ECE1: variants seen among roughly 807,000 people sequenced by gnomAD.
ECE1 encodes endothelin converting enzyme 1.
In ECE1, 35 loss-of-function variants were observed where a neutral mutation model predicts 98.6. The observed-to-expected ratio is 0.35, with a 90% CI of 0.27 to 0.47. The LOEUF (loss-of-function observed/expected upper bound fraction) is 0.47. ECE1 is among the 20% of genes least tolerant of loss of function. The pLI, the probability that ECE1 is intolerant of heterozygous loss-of-function variation, is 1.00. For synonymous variants in ECE1, 394 were observed against 407.1 expected (o/e 0.97, Z 0.39); for missense variants, 814 against 1,025.3 (o/e 0.79, Z 2.81).
At position 21,260,128 on chromosome 1, in the gene ECE1, C is replaced by T. The variant is rs2103293431; in HGVS notation, c.615+143G>A. 1 of 1,307,170 alleles carries T rather than the reference C, an allele frequency of 7.7e-7. No individual in the cohort carries two copies. Among genetic ancestry groups the T allele is most frequent in the Non-Finnish European group, 1.1e-6 (1 of 914,888 alleles). 81.0% of individuals were successfully genotyped at this position (1,307,170 alleles called of 1,614,324 possible). A position where few individuals can be genotyped will look rare whatever the true frequency, so the allele number is the denominator to read the frequency against. On this transcript the variant is annotated intron_variant, in intron 5 of 18. Coordinates refer to ENST00000374893, the MANE Select transcript of ECE1 (RefSeq NM_001397.3). This position sits in a 1 kb window ranked among gnomAD's most constrained non-coding sequence, Gnocchi z 4.3. ...ACTCACATGTGCTCTCGCACACTCG[C>T]TCTCTCTCTTTCTGTCTTTCTCTTG...
Position 21,272,721 on chromosome 1 carries a change from T to C in ECE1, c.471A>G (p.Gln157=), listed in dbSNP as rs1293433604. The change falls in exon 4 of 19, where the codon CAA becomes CAG. Residue 157 remains glutamine, a synonymous_variant. Coordinates refer to ENST00000374893, the MANE Select transcript of ECE1 (RefSeq NM_001397.3). ...TACCGAGGAGGTGCTTGATGATTGCTTGGTTGTGTTCCCAGAGGTTGCTGA... is the reference window on the plus strand; with the variant it reads ...TACCGAGGAGGTGCTTGATGATTGCCTGGTTGTGTTCCCAGAGGTTGCTGA... ...GTFSNLWEHN[Q]AIIKHLLENS... The C allele has an allele frequency of 3.1e-6, 5 of 1,614,124 alleles. No homozygotes were observed. The African/African-American group carries it at 6.7e-5, about 22-fold the overall frequency.
intron 2 of ECE1, 75 bp from the exon 3 acceptor site, chr1:21,279,407 G>A (rs1321230560): frequency 2.5e-6 from 4 of 1,610,586 alleles, no homozygotes; most frequent in Admixed American, 3.4e-5. Flanking sequence ...AAGGGGTTCC[G>A]CTGCAGGCCC....
rs1251760015 is a variant in ECE1, at chr1:21,235,814, T to C, written c.1566+36A>G. The C allele has an allele frequency of 6.2e-7, 1 of 1,609,168 alleles. No individual in the cohort carries two copies. Among genetic ancestry groups the C allele is most frequent in the East Asian group, 2.2e-5 (1 of 44,862 alleles). On this transcript the variant is annotated intron_variant, in intron 13 of 18. Transcript: ENST00000374893. The surrounding 1 kb of genome is among the most constrained non-coding windows in gnomAD (Gnocchi z 4.2). ...CCTCGGCCCTTTTCTAAGGGGGCAT[T>C]TAGGAACGCAAGGGGGCAGGGCAGC...
intron 1 of ECE1, among the ~76,000 whole-genome samples, chr1:21,305,844 G>A (rs1442916566): frequency 5.3e-5 from 8 of 152,212 alleles, no homozygotes; most frequent in South Asian, 2.1e-4. Flanking sequence ...CACAAATACC[G>A]CTGTGGTCAT....
At chr1:21,239,483 A>G (rs942236631) in intron 10 of ECE1, among the ~76,000 whole-genome samples, 1 of 152,264 alleles carries the variant, frequency 6.6e-6, no homozygotes, top group African/African-American at 2.4e-5. Flanking sequence ...AATGCCCATC[A>G]GCAGGCAGAC....
At chr1:21,262,044 C>T (rs1331772384) in intron 4 of ECE1, among the ~76,000 whole-genome samples, 8 of 152,170 alleles carry the variant, frequency 5.3e-5, no homozygotes, top group African/African-American at 1.4e-4. Context: ...CCCTGCCCCC[C>T]GATCCTCACC....
chr1:21,337,248 T>G (rs1269863749), intron 1 of ECE1, among the ~76,000 whole-genome samples: 1 of 152,124 alleles, frequency 6.6e-6, no homozygotes, highest in Non-Finnish European at 1.5e-5. Flanking sequence ...CGACTCAGCC[T>G]AAAAAGGAGC....
At chr1:21,231,632 G>A (rs752420574) in intron 14 of ECE1, among the ~76,000 whole-genome samples, 1 of 151,954 alleles carries the variant, frequency 6.6e-6, no homozygotes, top group Admixed American at 6.6e-5. Flanking sequence ...GTGAGCCCCC[G>A]TACCTGGCCA....
At chr1:21,299,572 T>A (rs1405902166) in intron 1 of ECE1, 2 of 152,208 alleles carry the variant, frequency 1.3e-5, no homozygotes, top group Non-Finnish European at 2.9e-5. Context: ...GCAAGTAGCA[T>A]CCCTCTTCAG....
intron 16 of ECE1, among the ~76,000 whole-genome samples, chr1:21,226,622 T>C (rs955121713): frequency 6.6e-6 from 1 of 152,194 alleles, no homozygotes; most frequent in African/African-American, 2.4e-5. Flanking sequence ...CTCAAACTCA[T>C]GGGCTCAAGT....
In ECE1 at chr1:21,345,434, C is replaced by G. The variant is rs213064; in HGVS notation, c.-56G>C. 31 of 1,303,662 alleles carry G rather than the reference C, an allele frequency of 2.4e-5. No homozygotes were observed. The African/African-American group carries it at 4.1e-4, about 17-fold the overall frequency. The allele number at this position is 1,303,662 out of a possible 1,614,324, so 80.8% of individuals were successfully genotyped here. A position where few individuals can be genotyped will look rare whatever the true frequency, so the allele number is the denominator to read the frequency against. ...GCTCCCCGCGCCCGGCTCCCGATTC[C>G]CAGCTCCGGGTTCCCTGCTCCCAGC... On this transcript the variant is annotated 5_prime_UTR_variant, in exon 1 of 19. Coordinates refer to the ECE1 transcript ENST00000415912. This position sits in a 1 kb window ranked among gnomAD's most constrained non-coding sequence, Gnocchi z 5.1.
At chr1:21,236,133 C>T (rs1279328174) in intron 12 of ECE1, among the ~76,000 whole-genome samples, 1 of 152,246 alleles carries the variant, frequency 6.6e-6, no homozygotes, top group Non-Finnish European at 1.5e-5. Context: ...TGTCACTTTC[C>T]CAAGGGAAGT....
At chr1:21,290,528 C>T (rs1451731225), upstream of ECE1, 1 of 1,199,414 alleles carries the variant, frequency 8.3e-7, no homozygotes, top group Non-Finnish European at 1.0e-6. This position sits in a 1 kb window ranked among gnomAD's most constrained non-coding sequence, Gnocchi z 7.3. Flanking sequence ...GCGCCCGGTT[C>T]CCAACCTCCG....
At position 21,235,737 on chromosome 1, in the gene ECE1, G is replaced by C. The variant is rs1573943452; in HGVS notation, c.1566+113C>G. On this transcript the variant is annotated intron_variant, in intron 13 of 18. Coordinates refer to ENST00000374893, the MANE Select transcript of ECE1 (RefSeq NM_001397.3). The surrounding 1 kb of genome is among the most constrained non-coding windows in gnomAD (Gnocchi z 4.2). ...CCAAGCCCCACACCACATCATCCCT[G>C]TGTGTTTTGACAACCATGCTGCCTC... The C allele has an allele frequency of 2.8e-6, 3 of 1,087,462 alleles. No individual in the cohort carries two copies. The Admixed American group carries it at 5.1e-5, about 18-fold the overall frequency. The allele number at this position is 1,087,462 out of a possible 1,614,324, so 67.4% of individuals were successfully genotyped here.
At chr1:21,256,472 C>T (rs370992607) in intron 7 of ECE1, among the ~76,000 whole-genome samples, 57 of 152,264 alleles carry the variant, frequency 3.7e-4, no homozygotes, top group African/African-American at 1.3e-3. Flanking sequence ...AGGAGAATCA[C>T]TTGAACCCAG....
intron 1 of ECE1, among the ~76,000 whole-genome samples, chr1:21,332,792 A>C (rs1225228413): frequency 2.6e-5 from 2 of 77,522 alleles, no homozygotes; most frequent in African/African-American, 1.1e-4. Context: ...CCCTGAGAGA[A>C]GTCAGTCAGG....
At position 21,225,520 on chromosome 1, in the gene ECE1, G is replaced by A; in HGVS notation, c.1850-80C>T. 6.6e-7 allele frequency: 1 copy of A among 1,526,368 alleles called. No homozygotes were observed. Among genetic ancestry groups the A allele is most frequent in the Non-Finnish European group, 8.9e-7 (1 of 1,124,448 alleles). 94.6% of individuals were successfully genotyped at this position (1,526,368 alleles called of 1,614,324 possible). On this transcript the variant is annotated intron_variant, in intron 16 of 18. Transcript: ENST00000374893. This position sits in a 1 kb window ranked among gnomAD's most constrained non-coding sequence, Gnocchi z 5.3. ...TGCTGCTCCTCCCTGCTCCTGGTGAGAAGCGGTTCATCCGTCCACCCCCGT... is the reference window on the plus strand; with the variant it reads ...TGCTGCTCCTCCCTGCTCCTGGTGAAAAGCGGTTCATCCGTCCACCCCCGT...
intron 2 of ECE1, among the ~76,000 whole-genome samples, chr1:21,288,224 C>T (rs1180285945): frequency 1.3e-5 from 2 of 152,240 alleles, no homozygotes; most frequent in Non-Finnish European, 2.9e-5. Context: ...CCATAGACAA[C>T]AGCGACGTGA....
Position 21,279,298 on chromosome 1 carries a change from C to A in ECE1, c.173G>T (p.Cys58Phe). The change falls in exon 3 of 19, where the codon TGC (cysteine) becomes TTC (phenylalanine). Residue 58 changes from cysteine (C) to phenylalanine (F), a missense_variant. Around this residue, in one of 3 missense-constraint regions of ECE1, gnomAD observed 257 missense variants for 278.9 expected, o/e 0.92. Coordinates refer to ENST00000374893, the MANE Select transcript of ECE1 (RefSeq NM_001397.3). The stretch of plus-strand genomic sequence containing the variant: ...CTCCACCTGGGTCCGTGCAGCCCAG[C>A]ACCTCTGGCCACTCCGGGGGCTGTG... ...NFHSPRSGQR[C>F]WAARTQVEKR... is the part of the protein sequence containing the mutation. 6.2e-7 allele frequency: 1 copy of A among 1,614,222 alleles called. No homozygotes were observed. The highest frequency in any genetic ancestry group is 8.5e-7 in the Non-Finnish European group (1 of 1,180,046).
Sources: gnomAD v4.1 joint callset for allele counts (sites outside exome capture counted in the v4.1 genomes callset) on GRCh38, gnomAD v4.1.1 for gene constraint, gnomAD v4.1.1 regional missense constraint, Gnocchi (gnomAD v3.1) non-coding constraint, MANE v1.5 for transcripts, NCBI Gene and HGNC (gene_info 2026-07-23, HGNC 2026-07-21) for gene names.